DAGLB: variants seen among roughly 807,000 people sequenced by gnomAD.
DAGLB encodes diacylglycerol lipase beta, also known as diacylglycerol lipase-beta.
A neutral mutation model predicts 72.1 loss-of-function variants in DAGLB; 66 were observed. The observed-to-expected ratio is 0.92, with a 90% CI of 0.75 to 1.12. DAGLB has a LOEUF of 1.12. Ranked by LOEUF, DAGLB falls within the 50% of genes most tolerant of loss-of-function variation. The probability of loss-of-function intolerance (pLI) is 0.00; values close to 1 mark genes in which losing one functional copy is unlikely to be tolerated. For missense variants in DAGLB, 1,065 were observed against 884.9 expected, an observed-to-expected ratio of 1.20 and a Z score of -2.58; for synonymous variants, 414 against 359.5, an observed-to-expected ratio of 1.15 and a Z score of -1.71.
intron 9 of DAGLB, chr7:6,417,126 T>C (rs1783944169): frequency 1.7e-6 from 1 of 582,060 alleles, no homozygotes; most frequent in Non-Finnish European, 3.0e-6. Flanking sequence ...CCAGGTGTGG[T>C]GGCGCACGCT....
In DAGLB at chr7:6,447,761, C is replaced by T; in HGVS notation, c.82G>A (p.Val28Met). ...LVFPGFFELVVRVLWWIGILT... is the reference protein window; with the variant it reads ...LVFPGFFELVMRVLWWIGILT... ...CGCCGTCCTTACCACAGCACTCGCACGACCAGCTCGAAGAACCCTGGGAAG... is the reference window on the plus strand; with the variant it reads ...CGCCGTCCTTACCACAGCACTCGCATGACCAGCTCGAAGAACCCTGGGAAG... Residue 28 changes from valine to methionine, a missense_variant, in exon 1 of 15, where the codon GTG becomes ATG. Coordinates refer to ENST00000297056, the MANE Select transcript of DAGLB (RefSeq NM_139179.4). The T allele has an allele frequency of 6.2e-7, 1 of 1,613,566 alleles. No homozygotes were observed. Among genetic ancestry groups the T allele is most frequent in the Non-Finnish European group, 8.5e-7 (1 of 1,179,818 alleles).
chr7:6,416,784 G>A (rs1489372827), intron 10 of DAGLB, 30 bp from the exon 11 acceptor site: 3 of 1,613,970 alleles, frequency 1.9e-6, no homozygotes, highest in Non-Finnish European at 2.5e-6. Flanking sequence ...ATGAGGTGAA[G>A]GGTAAAAACA....
At chr7:6,438,959 G>A (rs113132517) in intron 2 of DAGLB, among the ~76,000 whole-genome samples, 2 of 152,042 alleles carry the variant, frequency 1.3e-5, no homozygotes, top group East Asian at 1.9e-4. Context: ...GGTGGCTCAC[G>A]CCTGTAATCC....
intron 11 of DAGLB, 37 bp downstream of exon 11, chr7:6,416,590 A>T (rs770719848): frequency 1.3e-6 from 2 of 1,558,574 alleles, no homozygotes; most frequent in Non-Finnish European, 1.7e-6. Flanking sequence ...ATGACTTGTA[A>T]GTAGCAAGCT....
chr7:6,430,403 A>C (rs1784449306), intron 6 of DAGLB, 77 bp downstream of exon 6: 11 of 1,397,250 alleles, frequency 7.9e-6, no homozygotes, highest in Non-Finnish European at 1.0e-5. Flanking sequence ...TGTTCTTTCA[A>C]ATTTTTGAAA....
At chr7:6,441,899 G>A (rs1784845835) in intron 2 of DAGLB, among the ~76,000 whole-genome samples, 3 of 152,108 alleles carry the variant, frequency 2.0e-5, no homozygotes, top group African/African-American at 4.8e-5. Context: ...GCGACTGAGT[G>A]CAGAAGCAAG....
intron 13 of DAGLB, among the ~76,000 whole-genome samples, chr7:6,411,768 C>A (rs998724847): frequency 6.6e-6 from 1 of 152,296 alleles, no homozygotes; most frequent in African/African-American, 2.4e-5. Context: ...CTAAACAAAA[C>A]CACCCTTGGC....
At chr7:6,446,740 G>T (rs970294728) in intron 1 of DAGLB, among the ~76,000 whole-genome samples, 2 of 151,976 alleles carry the variant, frequency 1.3e-5, no homozygotes, top group Admixed American at 6.6e-5. Flanking sequence ...CCGGCACGGC[G>T]GCTCACGTCT....
intron 8 of DAGLB, among the ~76,000 whole-genome samples, chr7:6,423,425 G>A (rs1367338863): frequency 2.0e-5 from 3 of 147,010 alleles, no homozygotes; most frequent in South Asian, 2.1e-4. Context: ...AACCACAGAC[G>A]ACGCCACTGC....
Position 6,430,250 on chromosome 7 carries a change from C to CATATATATATATATATATAT in DAGLB, c.929+210_929+229dup, listed in dbSNP as rs57374634. The stretch of plus-strand genomic sequence containing the variant: ...GGTTCGGGGAAAAAAAATACATGTG[C>CATATATATATATATATATAT]ATATATATATATATATATATATATA... On this transcript the variant is annotated intron_variant, in intron 6 of 14. Coordinates refer to ENST00000297056, the MANE Select transcript of DAGLB (RefSeq NM_139179.4). 3.3e-3 allele frequency among the ~76,000 whole-genome samples: 151 copies of CATATATATATATATATATAT among 45,730 alleles called. 5 individuals are homozygous for CATATATATATATATATATAT. The highest frequency in any genetic ancestry group is 6.0e-3 in the East Asian group (5 of 840). The allele number at this position is 45,730 out of a possible 152,430, so 30.0% of individuals were successfully genotyped here. A position where few individuals can be genotyped will look rare whatever the true frequency, so the allele number is the denominator to read the frequency against.
intron 14 of DAGLB, 47 bp from the exon 15 acceptor site, chr7:6,410,082 C>T (rs747903762): frequency 1.3e-6 from 2 of 1,588,148 alleles, no homozygotes; most frequent in South Asian, 2.3e-5. Flanking sequence ...CCAGGGCTGA[C>T]CCCGCGCTGC....
intron 6 of DAGLB, among the ~76,000 whole-genome samples, chr7:6,426,848 C>A (rs567834339): frequency 6.6e-6 from 1 of 152,206 alleles, no homozygotes; most frequent in Admixed American, 6.6e-5. Flanking sequence ...GTGGCTGATG[C>A]CTGTAATCCG....
In DAGLB at chr7:6,432,071, C is replaced by G. The variant is rs75326073; in HGVS notation, c.801+766G>C. 1.6e-3 allele frequency among the ~76,000 whole-genome samples: 248 copies of G among 152,276 alleles called. 2 individuals carry two copies. Among genetic ancestry groups the G allele is most frequent in the Admixed American group, 0.012 (183 of 15,280 alleles). On this transcript the variant is annotated intron_variant, in intron 5 of 14. Transcript: ENST00000297056. ...AAAAGTTAAAAAAATGAAAAATAGGCCCGGTGTGGTGGCTCATGCCTGTAA... is the reference window on the plus strand; with the variant it reads ...AAAAGTTAAAAAAATGAAAAATAGGGCCGGTGTGGTGGCTCATGCCTGTAA...
In DAGLB at chr7:6,422,055, C is replaced by G. The variant is rs896480057; in HGVS notation, c.1141-251G>C. ...GACCATGGAGTGTGCCTAAGACACG[C>G]CCTGCGCCTTCCCCATCACACACAC... On this transcript the variant is annotated intron_variant, in intron 8 of 14. Transcript: ENST00000297056. The G allele has an allele frequency of 1.5e-5, 9 of 599,716 alleles. No homozygotes were observed. In the African/African-American group the frequency reaches 1.7e-4, roughly 11 times the overall value. 37.1% of individuals were successfully genotyped at this position (599,716 alleles called of 1,614,324 possible).
At chr7:6,443,533 C>T (rs896343434) in intron 2 of DAGLB, among the ~76,000 whole-genome samples, 3 of 152,186 alleles carry the variant, frequency 2.0e-5, no homozygotes, top group African/African-American at 7.2e-5. Flanking sequence ...GCCACTCTTG[C>T]TGGTCATCCC....
chr7:6,418,724 G>GCTCGAT (rs1267584918), intron 9 of DAGLB, among the ~76,000 whole-genome samples: 1 of 151,814 alleles, frequency 6.6e-6, no homozygotes, highest in Non-Finnish European at 1.5e-5. Context: ...GAGTTCAGTG[G>GCTCGAT]CTCGATCTCG....
Position 6,409,570 on chromosome 7 carries a change from G to A in DAGLB, c.*267C>T, listed in dbSNP as rs1178186845. The A allele has an allele frequency of 1.9e-6, 1 of 523,434 alleles. No individual in the cohort carries two copies. The highest frequency in any genetic ancestry group is 1.9e-5 in the African/African-American group (1 of 52,130). The allele number at this position is 523,434 out of a possible 1,614,324, so 32.4% of individuals were successfully genotyped here. On this transcript the variant is annotated 3_prime_UTR_variant, in exon 15 of 15. Coordinates refer to ENST00000297056, the MANE Select transcript of DAGLB (RefSeq NM_139179.4). ...CAGACAGCCAAGGGATCCATCCACG[G>A]GCCAGGGCTTCCCGAGGCTGTCTCC...
Position 6,444,246 on chromosome 7 carries a change from C to G in DAGLB, c.247+1707G>C, listed in dbSNP as rs10282329. Among the ~76,000 whole-genome samples, 5 of 152,128 alleles carry G rather than the reference C, an allele frequency of 3.3e-5. 1 individual carries two copies. Among genetic ancestry groups the G allele is most frequent in the African/African-American group, 1.2e-4 (5 of 41,402 alleles). On this transcript the variant is annotated intron_variant, in intron 2 of 14. Transcript: ENST00000297056. ...TATGATTGCGCCACTGCCCTCTAGCCTGGGCAACAGAGCAAGACACTGTCT... is the reference window on the plus strand; with the variant it reads ...TATGATTGCGCCACTGCCCTCTAGCGTGGGCAACAGAGCAAGACACTGTCT...
chr7:6,437,357 A>T (rs1784698869), intron 2 of DAGLB, among the ~76,000 whole-genome samples: 1 of 152,034 alleles, frequency 6.6e-6, no homozygotes, highest in Admixed American at 6.6e-5. Flanking sequence ...GTAGTTCTGT[A>T]ATCCCCACAA....
Sources: allele counts gnomAD v4.1 joint callset (sites outside exome capture counted in the v4.1 genomes callset), GRCh38; gene constraint gnomAD v4.1.1; transcripts MANE v1.5; gene names NCBI Gene and HGNC (gene_info 2026-07-23, HGNC 2026-07-21).